Variants in FRMD6 observed in about 807,000 individuals in gnomAD.
FRMD6 encodes FERM domain containing 6.
In FRMD6, 37 loss-of-function variants were observed where a neutral mutation model predicts 73.2. The ratio of observed to expected loss-of-function variants is 0.51; its 90% confidence interval spans 0.39 to 0.66. The LOEUF is 0.66. Ranked by LOEUF, FRMD6 falls within the 30% of genes least tolerant of loss-of-function variation. The pLI is 0.00. For synonymous variants in FRMD6, 273 were observed against 282.2 expected, an observed-to-expected ratio of 0.97 and a Z score of 0.33; for missense variants, 714 against 780.5, an observed-to-expected ratio of 0.91 and a Z score of 1.02.
At chr14:51,610,447 T>C (rs568918133) in intron 2 of FRMD6, among the ~76,000 whole-genome samples, 1 of 152,150 alleles carries the variant, frequency 6.6e-6, no homozygotes, top group South Asian at 2.1e-4. Context: ...TTTTGTATCC[T>C]ACTTAGAATA....
At chr14:51,532,561 A>G in intron 1 of FRMD6, among the ~76,000 whole-genome samples, 1 of 152,150 alleles carries the variant, frequency 6.6e-6, no homozygotes, top group East Asian at 1.9e-4. Context: ...TTATATTAGC[A>G]GTCATATGTC....
chr14:51,425,539 C>G, the FRMD6 span, among the ~76,000 whole-genome samples: 2 of 152,178 alleles, frequency 1.3e-5, no homozygotes, highest in Non-Finnish European at 2.9e-5. Context: ...GTCTCAAACT[C>G]ACCTTCTCTT....
At chr14:51,446,030 C>T in the FRMD6 span, among the ~76,000 whole-genome samples, 5 of 152,294 alleles carry the variant, frequency 3.3e-5, no homozygotes, top group South Asian at 1.0e-3. Flanking sequence ...ACCACTGTCA[C>T]AGAACTGACA....
chr14:51,411,682 G>A, the FRMD6 span, among the ~76,000 whole-genome samples: 5 of 152,180 alleles, frequency 3.3e-5, no homozygotes, highest in African/African-American at 9.7e-5. Flanking sequence ...AATATAAATA[G>A]CACAATTGTT....
chr14:51,655,875 A>G (rs1892784773), intron 1 of FRMD6, among the ~76,000 whole-genome samples: 1 of 152,218 alleles, frequency 6.6e-6, no homozygotes, highest in South Asian at 2.1e-4. Flanking sequence ...AATAATGTGC[A>G]GGGACTGGAT....
At chr14:51,420,244 T>C in the FRMD6 span, among the ~76,000 whole-genome samples, 1 of 152,198 alleles carries the variant, frequency 6.6e-6, no homozygotes, top group African/African-American at 2.4e-5. Context: ...GTAAAGTCAC[T>C]CTACTACTAT....
intron 1 of FRMD6, among the ~76,000 whole-genome samples, chr14:51,663,425 A>G (rs1196980537): frequency 1.3e-5 from 2 of 152,240 alleles, no homozygotes; most frequent in Admixed American, 6.5e-5. Flanking sequence ...ATGGAATACT[A>G]TGTTGCCATA....
At chr14:51,446,421 A>T in the FRMD6 span, among the ~76,000 whole-genome samples, 1 of 55,248 alleles carries the variant, frequency 1.8e-5, no homozygotes, top group Admixed American at 1.6e-4. Context: ...GCCCCAGAGG[A>T]GGGTAGTCCT....
At chr14:51,690,079 C>A (rs575690255) in intron 2 of FRMD6, 144 bp downstream of exon 2, 2 of 668,586 alleles carry the variant, frequency 3.0e-6, no homozygotes, top group African/African-American at 3.5e-5. Context: ...ATAGTCCATA[C>A]ATACATTAAC....
At chr14:51,416,434 T>C in the FRMD6 span, among the ~76,000 whole-genome samples, 1 of 152,186 alleles carries the variant, frequency 6.6e-6, no homozygotes, top group African/African-American at 2.4e-5. Flanking sequence ...CGGGAGCAGG[T>C]TGTTCAGTTT....
At chr14:51,641,495 C>T (rs376207727) in intron 2 of FRMD6, among the ~76,000 whole-genome samples, 22 of 152,118 alleles carry the variant, frequency 1.4e-4, no homozygotes, top group South Asian at 4.1e-4. Flanking sequence ...TGATCTAGGA[C>T]GAGATAAAAT....
At chr14:51,482,150 A>G in the FRMD6 span, among the ~76,000 whole-genome samples, 4 of 152,250 alleles carry the variant, frequency 2.6e-5, no homozygotes, top group South Asian at 2.1e-4. Context: ...TTTCCATAAC[A>G]TAAAAGTGGT....
intron 1 of FRMD6, among the ~76,000 whole-genome samples, chr14:51,671,243 A>G (rs1391217438): frequency 1.3e-5 from 2 of 152,060 alleles, no homozygotes; most frequent in Non-Finnish European, 2.9e-5. Context: ...TTGGGAAATG[A>G]TGGCCTCATA....
chr14:51,630,784 T>G (rs1316509847), intron 2 of FRMD6, among the ~76,000 whole-genome samples: 3 of 151,946 alleles, frequency 2.0e-5, no homozygotes, highest in Admixed American at 6.6e-5. Flanking sequence ...AATGAGCAGG[T>G]GGAAGAAAGT....
chr14:51,448,740 G>A, the FRMD6 span, among the ~76,000 whole-genome samples: 1 of 152,078 alleles, frequency 6.6e-6, no homozygotes, highest in African/African-American at 2.4e-5. Context: ...GCCAAGCCAG[G>A]GTCTCTCTTC....
the FRMD6 span, among the ~76,000 whole-genome samples, chr14:51,427,352 G>A: frequency 0.01 from 1,524 of 152,278 alleles, 28 homozygotes; most frequent in African/African-American, 0.035. Flanking sequence ...GCTGATCACC[G>A]TGCATATGGG....
chr14:51,703,660 C>T (rs996845560), intron 5 of FRMD6, among the ~76,000 whole-genome samples: 1 of 151,990 alleles, frequency 6.6e-6, no homozygotes, highest in Non-Finnish European at 1.5e-5. Flanking sequence ...CAGGCATGAA[C>T]CAGTCCAAAC....
Position 51,697,933 on chromosome 14 carries a change from T to C in FRMD6, c.100-209T>C, listed in dbSNP as rs934796131. 16 of 461,512 alleles carry C rather than the reference T, an allele frequency of 3.5e-5. No homozygotes were observed. The Admixed American group carries it at 5.3e-4, about 15-fold the overall frequency. 28.6% of individuals were successfully genotyped at this position (461,512 alleles called of 1,614,324 possible). On this transcript the variant is annotated intron_variant, in intron 2 of 13. Coordinates refer to ENST00000344768, the MANE Select transcript of FRMD6 (RefSeq NM_001267046.2). The stretch of plus-strand genomic sequence containing the variant: ...GGTAAGATCTGTGAGTCTTGTACTT[T>C]ATTACCATGTTGTAAAAACTGGTAC...
chr14:51,402,641 CTT>C, the FRMD6 span, among the ~76,000 whole-genome samples: 40 of 128,380 alleles, frequency 3.1e-4, no homozygotes, highest in Admixed American at 9.3e-4. Context: ...TTTTTCTTTT[CTT>C]TTTTTTTTTT....
Sources: allele counts gnomAD v4.1 joint callset (sites outside exome capture counted in the v4.1 genomes callset), GRCh38; gene constraint gnomAD v4.1.1; transcripts MANE v1.5; gene names NCBI Gene and HGNC (gene_info 2026-07-23, HGNC 2026-07-21).